SESTD1: variants seen among roughly 807,000 people sequenced by gnomAD.
The protein encoded by SESTD1 is SEC14 domain and spectrin repeat-containing protein 1.
A neutral mutation model predicts 101.7 loss-of-function variants in SESTD1; 43 were observed. That is an observed-to-expected ratio of 0.42 (90% CI 0.33 to 0.55). The LOEUF is 0.55. SESTD1 is among the 20% of genes least tolerant of loss of function. The pLI is 0.07. For synonymous variants in SESTD1, 283 were observed against 286.8 expected (o/e 0.99, Z 0.13); for missense variants, 647 against 815.1 (o/e 0.79, Z 2.51).
chr2:179,172,404 G>A (rs947520790), intron 4 of SESTD1, among the ~76,000 whole-genome samples, 171 bp from the exon 5 acceptor site: 1 of 152,022 alleles, frequency 6.6e-6, no homozygotes, highest in Admixed American at 6.6e-5. Flanking sequence ...CAATAAAGAA[G>A]AACTTGAAAG....
intron 2 of SESTD1, among the ~76,000 whole-genome samples, chr2:179,184,199 T>C (rs947241948): frequency 6.6e-6 from 1 of 152,176 alleles, no homozygotes; most frequent in African/African-American, 2.4e-5. Context: ...ATCATGTCTT[T>C]GGAAGTTTCC....
intron 1 of SESTD1, among the ~76,000 whole-genome samples, chr2:179,231,414 T>C (rs76606442): frequency 0.014 from 2,190 of 151,626 alleles, 48 homozygotes; most frequent in African/African-American, 0.05. Flanking sequence ...ACATAATAGA[T>C]AGTATAAACT....
intron 1 of SESTD1, among the ~76,000 whole-genome samples, chr2:179,198,577 T>C (rs2046444521): frequency 6.6e-6 from 1 of 151,900 alleles, no homozygotes; most frequent in Non-Finnish European, 1.5e-5. Context: ...TCAGCAAATG[T>C]AAAAGAACAG....
At chr2:179,196,706 C>A (rs1252204888) in intron 1 of SESTD1, among the ~76,000 whole-genome samples, 1 of 152,178 alleles carries the variant, frequency 6.6e-6, no homozygotes, top group Non-Finnish European at 1.5e-5. Context: ...AGACTGACAC[C>A]TCACACGGCT....
chr2:179,167,168 C>T (rs535143995), intron 5 of SESTD1, among the ~76,000 whole-genome samples: 43 of 151,992 alleles, frequency 2.8e-4, no homozygotes, highest in South Asian at 6.2e-4. Context: ...CAAGGACAGA[C>T]GAGGAATTTC....
chr2:179,143,732 T>C lies in SESTD1; in HGVS notation c.709A>G (p.Met237Val), dbSNP rs754168458. Residue 237 changes from methionine (M) to valine (V), a missense_variant, in exon 9 of 18, where the codon ATG (methionine) becomes GTG (valine). Physicochemically the swap from Met to Val is conservative, Grantham distance 21. Transcript: ENST00000428443. The stretch of plus-strand genomic sequence containing the variant: ...GGCTGTGCAAGAAGTTCATCATCCA[T>C]AGGAGACCATGAAACCCCTCCGTCT... ...GSDGGVSWSP[M>V]DDELLAQPQV... 25 of 1,613,996 alleles carry C rather than the reference T, an allele frequency of 1.5e-5. No homozygotes were observed. The highest frequency in any genetic ancestry group is 7.7e-5 in the South Asian group (7 of 91,074).
intron 1 of SESTD1, among the ~76,000 whole-genome samples, chr2:179,221,194 A>T (rs1340109809): frequency 6.6e-6 from 1 of 152,208 alleles, no homozygotes; most frequent in African/African-American, 2.4e-5. Flanking sequence ...AAAAAAGGTT[A>T]AAAAAGTTTT....
At chr2:179,174,308 T>C (rs1437027341) in intron 4 of SESTD1, 1 of 380,720 alleles carries the variant, frequency 2.6e-6, no homozygotes, top group East Asian at 7.6e-5. Flanking sequence ...CATTGCAACT[T>C]CTGAAAATGT....
Position 179,205,558 on chromosome 2 carries a change from CACTA to C in SESTD1, c.-25-13696_-25-13693del, listed in dbSNP as rs1355240764. Among the ~76,000 whole-genome samples, 5 of 135,332 alleles carry C rather than the reference CACTA, an allele frequency of 3.7e-5. 1 individual carries two copies. The highest frequency in any genetic ancestry group is 4.0e-4 in the East Asian group (2 of 5,054). 88.8% of individuals were successfully genotyped at this position (135,332 alleles called of 152,430 possible). On this transcript the variant is annotated intron_variant, in intron 1 of 17. Transcript: ENST00000428443. ...ATCCAGAAGCAATCTTCCATTTCAT[CACTA>C]ACTATCTCCTGAGAGATGGGTGCTT... is the stretch of plus-strand genomic sequence containing the variant.
chr2:179,160,885 T>C (rs1022341702), intron 5 of SESTD1, among the ~76,000 whole-genome samples: 3 of 152,084 alleles, frequency 2.0e-5, no homozygotes, highest in Non-Finnish European at 4.4e-5. Flanking sequence ...TACTTATTAG[T>C]ACTACAAAAT....
intron 10 of SESTD1, among the ~76,000 whole-genome samples, chr2:179,128,851 G>T (rs2044943282): frequency 1.3e-5 from 2 of 151,556 alleles, no homozygotes; most frequent in Admixed American, 1.3e-4. Context: ...ATTTAACTGT[G>T]TAGAAAATGA....
intron 1 of SESTD1, among the ~76,000 whole-genome samples, chr2:179,253,443 G>A (rs1020598376): frequency 2.0e-5 from 3 of 152,156 alleles, no homozygotes; most frequent in Non-Finnish European, 4.4e-5. Context: ...TACTGTTAGT[G>A]GAAACTGAAA....
intron 7 of SESTD1, among the ~76,000 whole-genome samples, chr2:179,147,577 G>T (rs1384754648): frequency 6.6e-6 from 1 of 152,126 alleles, no homozygotes; most frequent in South Asian, 2.1e-4. Context: ...GGCCAGGATG[G>T]TCTTGATCTC....
At chr2:179,238,044 T>C (rs561914374) in intron 1 of SESTD1, among the ~76,000 whole-genome samples, 29 of 152,328 alleles carry the variant, frequency 1.9e-4, no homozygotes, top group African/African-American at 5.5e-4. Flanking sequence ...TTAACATATA[T>C]TTTGTATATG....
chr2:179,122,015 C>T, intron 12 of SESTD1, 86 bp from the exon 13 acceptor site: 1 of 1,356,864 alleles, frequency 7.4e-7, no homozygotes, highest in Non-Finnish European at 9.8e-7. Context: ...AGATATTGTA[C>T]CTGGATCCCA....
intron 9 of SESTD1, among the ~76,000 whole-genome samples, chr2:179,135,552 AAG>A (rs1013909647): frequency 1.2e-4 from 19 of 152,106 alleles, no homozygotes; most frequent in Non-Finnish European, 2.4e-4. Context: ...TCAGGAGTTC[AAG>A]ACCAGCCTGA....
chr2:179,217,005 T>C (rs2046730873), intron 1 of SESTD1, among the ~76,000 whole-genome samples: 1 of 151,906 alleles, frequency 6.6e-6, no homozygotes, highest in Admixed American at 6.6e-5. Flanking sequence ...AAGACTTAAA[T>C]GTTAGATCTA....
At chr2:179,131,600 G>C (rs1220395169) in intron 10 of SESTD1, among the ~76,000 whole-genome samples, 4 of 152,044 alleles carry the variant, frequency 2.6e-5, no homozygotes, top group African/African-American at 9.7e-5. Flanking sequence ...AGGGAGAGGG[G>C]GGTGAGCTAC....
At chr2:179,163,064 A>G (rs541738593) in intron 5 of SESTD1, among the ~76,000 whole-genome samples, 12 of 152,250 alleles carry the variant, frequency 7.9e-5, no homozygotes, top group Admixed American at 3.3e-4. Flanking sequence ...CAGTGGAATA[A>G]GAGACAACCT....
Sources: gnomAD v4.1 joint callset for allele counts (sites outside exome capture counted in the v4.1 genomes callset) on GRCh38, gnomAD v4.1.1 for gene constraint, MANE v1.5 for transcripts, NCBI Gene and HGNC (gene_info 2026-07-23, HGNC 2026-07-21) for gene names.